AP5Z1: variants seen among roughly 807,000 people sequenced by gnomAD.
The protein encoded by AP5Z1 is AP-5 complex subunit zeta-1.
A neutral mutation model predicts 83.0 loss-of-function variants in AP5Z1; 106 were observed. That is an observed-to-expected ratio of 1.28 (90% CI 1.09 to 1.50). The LOEUF is 1.50. Among genes scored for constraint, AP5Z1 ranks in the 40% most tolerant of loss-of-function variants. The pLI is 0.00. For synonymous variants in AP5Z1, 751 were observed against 514.1 expected (o/e 1.46, Z -6.23); for missense variants, 1,565 against 1,094.2 (o/e 1.43, Z -6.07).
intron 5 of AP5Z1, among the ~76,000 whole-genome samples, 164 bp downstream of exon 5, chr7:4,783,962 AC>A (rs1781457761): frequency 1.3e-5 from 2 of 151,778 alleles, no homozygotes; most frequent in Non-Finnish European, 2.9e-5. Flanking sequence ...CAGCCCCCTG[AC>A]CCGTGTGGCT....
rs1781810076 is a variant in AP5Z1, at chr7:4,792,380, G to T, written c.*995G>T. The T allele has an allele frequency of 7.1e-6, 1 of 141,666 alleles. No individual in the cohort carries two copies. 8.8% of individuals were successfully genotyped at this position (141,666 alleles called of 1,614,324 possible). A position where few individuals can be genotyped will look rare whatever the true frequency, so the allele number is the denominator to read the frequency against. On this transcript the variant is annotated 3_prime_UTR_variant, in exon 17 of 17. Transcript: ENST00000649063. ...CCCGCCCACCTCCCCTCCGGCCTCG[G>T]CCCCGCCCCCAATCCCCCATAGCTC...
Position 4,784,903 on chromosome 7 carries a change from C to A in AP5Z1, c.791-5C>A. On this transcript the variant is annotated splice_region_variant and splice_polypyrimidine_tract_variant and intron_variant, in intron 6 of 16. Coordinates refer to ENST00000649063, the MANE Select transcript of AP5Z1 (RefSeq NM_014855.3). Reference sequence around the variant, plus strand: ...CAGCCTGCTGAGAGTTCCCACCTCCCGCAGATGACAGGTCAGAGCAGGAGG... The same window carrying A: ...CAGCCTGCTGAGAGTTCCCACCTCCAGCAGATGACAGGTCAGAGCAGGAGG... 1 of 1,607,192 alleles carries A rather than the reference C, an allele frequency of 6.2e-7. No homozygotes were observed. Among genetic ancestry groups the A allele is most frequent in the Non-Finnish European group, 8.5e-7 (1 of 1,175,972 alleles).
chr7:4,782,947 C>A (rs1443707299), intron 3 of AP5Z1, among the ~76,000 whole-genome samples: 1 of 152,234 alleles, frequency 6.6e-6, no homozygotes, highest in Non-Finnish European at 1.5e-5. Context: ...TGTTTCAGCA[C>A]CTGGGTGTGC....
Position 4,784,904 on chromosome 7 carries a change from G to A in AP5Z1, c.791-4G>A, listed in dbSNP as rs368052767. 5.8e-5 allele frequency: 93 copies of A among 1,607,210 alleles called. No homozygotes were observed. The highest frequency in any genetic ancestry group is 7.1e-5 in the Non-Finnish European group (84 of 1,176,046). On this transcript the variant is annotated splice_region_variant and splice_polypyrimidine_tract_variant and intron_variant, in intron 6 of 16. Transcript: ENST00000649063. Reference sequence around the variant, plus strand: ...AGCCTGCTGAGAGTTCCCACCTCCCGCAGATGACAGGTCAGAGCAGGAGGG... The same window carrying A: ...AGCCTGCTGAGAGTTCCCACCTCCCACAGATGACAGGTCAGAGCAGGAGGG...
At chr7:4,788,369 G>A in intron 12 of AP5Z1, 75 bp downstream of exon 12, 1 of 1,477,378 alleles carries the variant, frequency 6.8e-7, no homozygotes, top group South Asian at 1.3e-5. Context: ...GGGGCTCACT[G>A]CTCAGCCCTA....
intron 1 of AP5Z1, among the ~76,000 whole-genome samples, chr7:4,777,340 A>C (rs1781254604): frequency 6.6e-6 from 1 of 150,810 alleles, no homozygotes; most frequent in African/African-American, 2.5e-5. Flanking sequence ...TGAAAAACAA[A>C]AGGAAGAGCC....
chr7:4,789,441 CTCCCCCATT>C (rs1781673219), intron 13 of AP5Z1, among the ~76,000 whole-genome samples: 1 of 152,244 alleles, frequency 6.6e-6, no homozygotes, highest in Admixed American at 6.5e-5. Context: ...TGCCCCCCAT[CTCCCCCATT>C]GCTGCTTCCC....
Position 4,788,869 on chromosome 7 carries a change from C to T in AP5Z1, c.1625C>T (p.Pro542Leu). The T allele has an allele frequency of 1.9e-6, 3 of 1,609,606 alleles. No individual in the cohort carries two copies. Among genetic ancestry groups the T allele is most frequent in the South Asian group, 1.1e-5 (1 of 90,822 alleles). The change falls in exon 13 of 17, where the codon CCC becomes CTC. Residue 542 changes from proline (P) to leucine (L), a missense_variant. Pro to Leu is a moderately conservative substitution (Grantham distance 98, BLOSUM62 -3). Coordinates refer to ENST00000649063, the MANE Select transcript of AP5Z1 (RefSeq NM_014855.3). ...RLAPLHQLLQ[P>L]MAGCARVAQC... ...GCGCCACTCCACCAGCTGCTGCAGCCCATGGCCGGCTGTGCCCGCGTGGCC... is the reference window on the plus strand; with the variant it reads ...GCGCCACTCCACCAGCTGCTGCAGCTCATGGCCGGCTGTGCCCGCGTGGCC...
At position 4,791,721 on chromosome 7, in the gene AP5Z1, G is replaced by A. The variant is rs1328374972; in HGVS notation, c.*336G>A. ...TTGTTTTTGGACAGTTGATGGGCAAGAAGAGCTGCAGTAAAAGTAAATCTC... is the reference window on the plus strand; with the variant it reads ...TTGTTTTTGGACAGTTGATGGGCAAAAAGAGCTGCAGTAAAAGTAAATCTC... On this transcript the variant is annotated 3_prime_UTR_variant, in exon 17 of 17. Coordinates refer to ENST00000649063, the MANE Select transcript of AP5Z1 (RefSeq NM_014855.3). 7 of 396,414 alleles carry A rather than the reference G, an allele frequency of 1.8e-5. No homozygotes were observed. In the Admixed American group the frequency reaches 2.9e-4, roughly 16 times the overall value. 24.6% of individuals were successfully genotyped at this position (396,414 alleles called of 1,614,324 possible).
chr7:4,788,870 C>T lies in AP5Z1; in HGVS notation c.1626C>T (p.Pro542=), dbSNP rs753407429. The stretch of plus-strand genomic sequence containing the variant: ...CGCCACTCCACCAGCTGCTGCAGCC[C>T]ATGGCCGGCTGTGCCCGCGTGGCCC... The part of the protein sequence containing the change: ...RLAPLHQLLQ[P]MAGCARVAQC... Residue 542 remains proline, a synonymous_variant, in exon 13 of 17, where the codon CCC becomes CCT. Coordinates refer to ENST00000649063, the MANE Select transcript of AP5Z1 (RefSeq NM_014855.3). 1.9e-6 allele frequency: 3 copies of T among 1,609,542 alleles called. No individual in the cohort carries two copies. The highest frequency in any genetic ancestry group is 1.3e-5 in the African/African-American group (1 of 74,850).
Position 4,787,701 on chromosome 7 carries a change from C to T in AP5Z1, c.1379C>T (p.Ala460Val). ...FVALLPALVD[A>V]GTALEMLHAL... ...GCGCTCCTCCCGGCCCTGGTGGACG[C>T]TGGCACAGCCCTGGAGATGCTGCAC... Residue 460 changes from alanine (A) to valine (V), a missense_variant, in exon 11 of 17, where the codon GCT (alanine) becomes GTT (valine). By Grantham distance (64) the Ala-to-Val change is moderately conservative. Transcript: ENST00000649063. The T allele has an allele frequency of 6.4e-7, 1 of 1,551,794 alleles. No individual in the cohort carries two copies. The highest frequency in any genetic ancestry group is 8.7e-7 in the Non-Finnish European group (1 of 1,148,976).
rs771643756 is a variant in AP5Z1 at position 4,790,174 on chromosome 7, C to G, written c.1805+245C>G. The G allele has an allele frequency of 2.0e-5, 31 of 1,531,578 alleles. 1 individual carries two copies. In the East Asian group the frequency reaches 3.4e-4, roughly 17 times the overall value. The allele number at this position is 1,531,578 out of a possible 1,614,324, so 94.9% of individuals were successfully genotyped here. A position where few individuals can be genotyped will look rare whatever the true frequency, so the allele number is the denominator to read the frequency against. On this transcript the variant is annotated intron_variant, in intron 14 of 16. Transcript: ENST00000649063. ...TCCTCTTCAGGGTTAGCTCAGGTCC[C>G]TCTTCCCCGTCTTGTCCCCTGGGGT...
Position 4,789,922 on chromosome 7 carries a change from G to A in AP5Z1, c.1798G>A (p.Val600Met), listed in dbSNP as rs1373818579. 2.6e-6 allele frequency: 4 copies of A among 1,544,752 alleles called. No individual in the cohort carries two copies. The African/African-American group carries it at 4.1e-5, about 16-fold the overall frequency. ...LYPAPGYAAG[V>M]HSVLSSQFLA... ...CCCGGCCCCAGGGTACGCTGCCGGT[G>A]TGCACAGGTAGGTCCCTCCTGCGCT... The change falls in exon 14 of 17, where the codon GTG becomes ATG. Residue 600 changes from valine to methionine, a missense_variant. Physicochemically the swap from Val to Met is conservative, Grantham distance 21 (BLOSUM62 1). Transcript: ENST00000649063.
chr7:4,786,630 C>T (rs112745897), intron 10 of AP5Z1, among the ~76,000 whole-genome samples: 2 of 152,294 alleles, frequency 1.3e-5, no homozygotes, highest in East Asian at 3.9e-4. Flanking sequence ...TGTCCAAGAA[C>T]TCCCTTGTGG....
chr7:4,776,230 C>T (rs568696355), intron 1 of AP5Z1, among the ~76,000 whole-genome samples: 7 of 152,238 alleles, frequency 4.6e-5, no homozygotes, highest in South Asian at 2.1e-4. Context: ...AAAGATCTCT[C>T]TTGCGCGGAT....
rs74274130 is a variant in AP5Z1 at position 4,785,760 on chromosome 7, CTTTTTTTTT to C, written c.1132+88_1132+96del. 34 of 1,140,892 alleles carry C rather than the reference CTTTTTTTTT, an allele frequency of 3.0e-5. No individual in the cohort carries two copies. The East Asian group carries it at 4.8e-4, about 16-fold the overall frequency. 70.7% of individuals were successfully genotyped at this position (1,140,892 alleles called of 1,614,324 possible). Reference sequence around the variant, plus strand: ...GTTTTAGGATGGAATTTCTTCTTCCCTTTTTTTTTTTTTTTTTTTTGATTGAATAGAGAC... The same window carrying C: ...GTTTTAGGATGGAATTTCTTCTTCCCTTTTTTTTTTTGATTGAATAGAGAC... On this transcript the variant is annotated intron_variant, in intron 9 of 16. Coordinates refer to ENST00000649063, the MANE Select transcript of AP5Z1 (RefSeq NM_014855.3).
At chr7:4,790,108 G>A (rs1282732358) in intron 14 of AP5Z1, 179 bp downstream of exon 14, 4 of 1,371,044 alleles carry the variant, frequency 2.9e-6, no homozygotes, top group South Asian at 1.4e-5. Context: ...ACTTCTCTCT[G>A]CTTCTCAAGA....
chr7:4,775,631 C>A lies in AP5Z1; in HGVS notation c.-85C>A. 1 of 1,578,044 alleles carries A rather than the reference C, an allele frequency of 6.3e-7. No homozygotes were observed. Among genetic ancestry groups the A allele is most frequent in the Non-Finnish European group, 8.6e-7 (1 of 1,164,590 alleles). ...GGCCGCTGCGCTCACGTGACGCGGT[C>A]CCGGAAGTTGACCGGGGTGCGGAGC... On this transcript the variant is annotated 5_prime_UTR_variant, in exon 1 of 17. Coordinates refer to ENST00000649063, the MANE Select transcript of AP5Z1 (RefSeq NM_014855.3).
At chr7:4,781,344 C>G (rs373742567) in intron 2 of AP5Z1, 32 bp downstream of exon 2, 1 of 1,610,672 alleles carries the variant, frequency 6.2e-7, no homozygotes, top group African/African-American at 1.3e-5. Context: ...GCCGGCTCCT[C>G]ACACAGCGGC....
Sources: gnomAD v4.1 joint callset for allele counts (sites outside exome capture counted in the v4.1 genomes callset) on GRCh38, gnomAD v4.1.1 for gene constraint, MANE v1.5 for transcripts, NCBI Gene and HGNC (gene_info 2026-07-23, HGNC 2026-07-21) for gene names.